Variants in SUGCT observed in about 807,000 individuals in gnomAD.
The protein encoded by SUGCT is succinyl-CoA:glutarate CoA-transferase.
In SUGCT, 41 loss-of-function variants were observed where a neutral mutation model predicts 55.0. That is an observed-to-expected ratio of 0.74 (90% CI 0.58 to 0.97). The LOEUF (loss-of-function observed/expected upper bound fraction) is 0.97, where lower values mean the gene tolerates loss of function less well. Ranked by LOEUF, SUGCT falls within the 50% of genes least tolerant of loss-of-function variation. The probability of loss-of-function intolerance (pLI) is 0.00; values close to 1 mark genes in which losing one functional copy is unlikely to be tolerated. For synonymous variants in SUGCT, 187 were observed against 200.4 expected (o/e 0.93, Z 0.56); for missense variants, 568 against 547.8 (o/e 1.04, Z -0.37).
chr7:40,160,198 A>C (rs1719861064), intron 1 of SUGCT, among the ~76,000 whole-genome samples: 1 of 152,192 alleles, frequency 6.6e-6, no homozygotes, highest in Non-Finnish European at 1.5e-5. Context: ...GGAAACCCTG[A>C]AACAATTCCA....
In SUGCT at chr7:40,307,491, T is replaced by C. The variant is rs557363880; in HGVS notation, c.721-9269T>C. Among the ~76,000 whole-genome samples, 17 of 152,290 alleles carry C rather than the reference T, an allele frequency of 1.1e-4. No homozygotes were observed. The South Asian group carries it at 2.7e-3, about 24-fold the overall frequency. On this transcript the variant is annotated intron_variant, in intron 8 of 13. Transcript: ENST00000335693. ...AACCAGGCTAGGTGAGTTCAGACCC[T>C]GGCTTGTCCACTTACTAAGCATATA... is the stretch of plus-strand genomic sequence containing the variant.
chr7:40,786,724 C>A (rs957647676), intron 13 of SUGCT, among the ~76,000 whole-genome samples: 20 of 151,592 alleles, frequency 1.3e-4, no homozygotes, highest in African/African-American at 4.8e-4. Flanking sequence ...TAATCATACC[C>A]CCTCACTAAA....
At chr7:40,248,874 G>A (rs1258304401) in intron 7 of SUGCT, among the ~76,000 whole-genome samples, 7 of 142,432 alleles carry the variant, frequency 4.9e-5, no homozygotes, top group Non-Finnish European at 9.1e-5. Context: ...TCTTTCCAGC[G>A]CGCGCGCGCG....
At chr7:40,899,969 T>G in the SUGCT span, among the ~76,000 whole-genome samples, 4 of 152,274 alleles carry the variant, frequency 2.6e-5, no homozygotes, top group East Asian at 7.7e-4. Context: ...CTGGCTGCGG[T>G]GGGCTGGGGG....
intron 12 of SUGCT, among the ~76,000 whole-genome samples, chr7:40,559,037 C>A (rs1795704057): frequency 1.3e-5 from 2 of 152,120 alleles, no homozygotes; most frequent in Non-Finnish European, 1.5e-5. Flanking sequence ...TTTCAAAATT[C>A]TTTAGGTTTA....
the SUGCT span, among the ~76,000 whole-genome samples, chr7:40,991,163 A>T: frequency 6.6e-6 from 1 of 152,138 alleles, no homozygotes; most frequent in Non-Finnish European, 1.5e-5. Flanking sequence ...GAACACTTAG[A>T]TGCCATTGCA....
At chr7:40,182,338 G>A (rs913700269) in intron 3 of SUGCT, among the ~76,000 whole-genome samples, 1 of 152,000 alleles carries the variant, frequency 6.6e-6, no homozygotes, top group African/African-American at 2.4e-5. Flanking sequence ...AGGCCAAGGA[G>A]GGCAGATCAC....
chr7:40,957,805 T>G, the SUGCT span, among the ~76,000 whole-genome samples: 1 of 152,136 alleles, frequency 6.6e-6, no homozygotes, highest in Non-Finnish European at 1.5e-5. Flanking sequence ...TGGTACTGGT[T>G]TTTCCTTTCC....
intron 9 of SUGCT, among the ~76,000 whole-genome samples, chr7:40,324,649 C>G (rs1439021135): frequency 6.6e-6 from 1 of 152,160 alleles, no homozygotes; most frequent in Non-Finnish European, 1.5e-5. Flanking sequence ...ATATGTGCTA[C>G]TATACAGGAC....
At chr7:40,227,653 T>G (rs1788459406) in intron 6 of SUGCT, among the ~76,000 whole-genome samples, 1 of 152,010 alleles carries the variant, frequency 6.6e-6, no homozygotes, top group Non-Finnish European at 1.5e-5. Context: ...TGTATACGTC[T>G]CAATTATTTT....
intron 12 of SUGCT, among the ~76,000 whole-genome samples, chr7:40,744,856 G>A (rs1787650682): frequency 6.6e-6 from 1 of 152,106 alleles, no homozygotes; most frequent in South Asian, 2.1e-4. Context: ...CCTGACCTAA[G>A]TCATATTATC....
chr7:40,138,999 C>G (rs1391849366), intron 1 of SUGCT, among the ~76,000 whole-genome samples: 3 of 151,966 alleles, frequency 2.0e-5, no homozygotes, highest in Non-Finnish European at 4.4e-5. Flanking sequence ...TCAGGCTGGG[C>G]GTGGTGGCTT....
chr7:40,898,600 T>C, the SUGCT span, among the ~76,000 whole-genome samples: 2 of 150,356 alleles, frequency 1.3e-5, no homozygotes, highest in Admixed American at 6.7e-5. Flanking sequence ...GGTGGGCGCT[T>C]GTAGTCCTAG....
At chr7:40,833,557 C>G (rs547493452) in intron 13 of SUGCT, among the ~76,000 whole-genome samples, 9 of 152,230 alleles carry the variant, frequency 5.9e-5, no homozygotes, top group Non-Finnish European at 8.8e-5. Flanking sequence ...GTCATGTACA[C>G]AAACCACTTT....
At chr7:40,656,592 T>G (rs1189688162) in intron 12 of SUGCT, among the ~76,000 whole-genome samples, 2 of 152,226 alleles carry the variant, frequency 1.3e-5, no homozygotes. Flanking sequence ...GTGTTTTACT[T>G]TCTTAAAACC....
the SUGCT span, among the ~76,000 whole-genome samples, chr7:40,898,779 G>C: frequency 1.3e-5 from 2 of 152,072 alleles, no homozygotes; most frequent in Non-Finnish European, 2.9e-5. Flanking sequence ...ACCAATTCTG[G>C]ACACAAAATG....
At chr7:40,685,612 TTG>T (rs1784430885) in intron 12 of SUGCT, among the ~76,000 whole-genome samples, 1 of 152,248 alleles carries the variant, frequency 6.6e-6, no homozygotes, top group African/African-American at 2.4e-5. Flanking sequence ...CATCTTTTGA[TTG>T]TGGATTTTTT....
intron 12 of SUGCT, among the ~76,000 whole-genome samples, chr7:40,673,746 T>A (rs1462919570): frequency 6.6e-6 from 1 of 152,202 alleles, no homozygotes; most frequent in Non-Finnish European, 1.5e-5. Flanking sequence ...GCATTACATT[T>A]TTTTCATGAA....
At chr7:40,488,281 T>C (rs1213756105) in intron 11 of SUGCT, among the ~76,000 whole-genome samples, 4 of 152,162 alleles carry the variant, frequency 2.6e-5, no homozygotes, top group Non-Finnish European at 5.9e-5. Flanking sequence ...GTAATAGTTA[T>C]AGCACGTAAC....
Sources: allele counts gnomAD v4.1 joint callset (sites outside exome capture counted in the v4.1 genomes callset), GRCh38; gene constraint gnomAD v4.1.1; transcripts MANE v1.5; gene names NCBI Gene and HGNC (gene_info 2026-07-23, HGNC 2026-07-21).